The following INTS4 variants were observed in gnomAD, a reference collection of about 807,000 sequenced individuals.
INTS4 encodes integrator complex subunit 4, also known as MSTP093.
In INTS4, 70 loss-of-function variants were observed where a neutral mutation model predicts 119.5. The ratio of observed to expected loss-of-function variants is 0.59; its 90% confidence interval spans 0.48 to 0.71. The LOEUF (loss-of-function observed/expected upper bound fraction) is 0.71, where lower values mean the gene tolerates loss of function less well. Ranked by LOEUF, INTS4 falls within the 30% of genes least tolerant of loss-of-function variation. The probability of loss-of-function intolerance (pLI) is 0.00; values close to 1 mark genes in which losing one functional copy is unlikely to be tolerated. For synonymous variants in INTS4, 316 were observed against 419.6 expected, an observed-to-expected ratio of 0.75 and a Z score of 3.02; for missense variants, 867 against 1,173.2, an observed-to-expected ratio of 0.74 and a Z score of 3.81.
rs373505130 is a variant in INTS4 at position 77,994,648 on chromosome 11, A to C, written c.-5T>G. 1.3e-5 allele frequency: 21 copies of C among 1,613,338 alleles called. No homozygotes were observed. The African/African-American group carries it at 2.1e-4, about 16-fold the overall frequency. On this transcript the variant is annotated 5_prime_UTR_variant, in exon 1 of 23. Coordinates refer to ENST00000534064, the MANE Select transcript of INTS4 (RefSeq NM_033547.4). ...CTTCTTAAGGTGCGCCGCCATGCCT[A>C]CCCGCGGGCCCTCTCAGCTTCCGTA...
intron 4 of INTS4, chr11:77,978,394 C>T (rs945896901): frequency 1.3e-5 from 2 of 152,162 alleles, no homozygotes; most frequent in Non-Finnish European, 2.9e-5. Flanking sequence ...AAAATCAATT[C>T]TACAGGGTTC....
chr11:77,923,315 C>CAAAAAA (rs35475320), intron 12 of INTS4, among the ~76,000 whole-genome samples: 5 of 87,982 alleles, frequency 5.7e-5, no homozygotes, highest in Admixed American at 1.3e-4. Flanking sequence ...GACTCTGTCT[C>CAAAAAA]AAAAAAAAAA....
intron 14 of INTS4, among the ~76,000 whole-genome samples, chr11:77,919,561 C>T (rs781727342): frequency 2.6e-5 from 4 of 152,246 alleles, no homozygotes; most frequent in Non-Finnish European, 4.4e-5. Context: ...GCTGGGATTA[C>T]AGGCGTGAGC....
At chr11:77,897,458 T>C (rs1475813571) in intron 18 of INTS4, among the ~76,000 whole-genome samples, 4 of 151,620 alleles carry the variant, frequency 2.6e-5, no homozygotes, top group African/African-American at 7.3e-5. Flanking sequence ...AGAAGCTACA[T>C]TATAAAAACA....
intron 7 of INTS4, among the ~76,000 whole-genome samples, chr11:77,957,910 C>G (rs1954372174): frequency 6.6e-6 from 1 of 151,976 alleles, no homozygotes; most frequent in Admixed American, 6.6e-5. Flanking sequence ...CTGAGGTGAT[C>G]CGCCCACCTC....
rs1243771556 is a variant in INTS4, at chr11:77,927,478, A to G, written c.1371+864T>C. ...TCACATCTGAACCCCATCTTCCCCA[A>G]AAAAGGAAACCAGAGGACAAACCCC... is the stretch of plus-strand genomic sequence containing the variant. On this transcript the variant is annotated intron_variant, in intron 11 of 22. Coordinates refer to ENST00000534064, the MANE Select transcript of INTS4 (RefSeq NM_033547.4). Among the ~76,000 whole-genome samples the G allele has an allele frequency of 3.9e-5, 6 of 152,274 alleles. No individual in the cohort carries two copies. In the South Asian group the frequency reaches 1.0e-3, roughly 26 times the overall value.
intron 7 of INTS4, among the ~76,000 whole-genome samples, chr11:77,957,892 C>T (rs979976125): frequency 3.3e-5 from 5 of 151,994 alleles, no homozygotes; most frequent in African/African-American, 4.8e-5. Context: ...TGGTCTTGAA[C>T]TCCTGACCTG....
At chr11:77,991,087 A>C in intron 2 of INTS4, 21 bp downstream of exon 2, 1 of 1,601,694 alleles carries the variant, frequency 6.2e-7, no homozygotes. Context: ...TACTCCCATC[A>C]GATCCTCAAG....
chr11:77,882,116 A>C (rs1004471257), intron 22 of INTS4, among the ~76,000 whole-genome samples: 3 of 152,062 alleles, frequency 2.0e-5, no homozygotes, highest in Non-Finnish European at 4.4e-5. Context: ...GGGTTGCCCT[A>C]TATTGCCCAT....
intron 22 of INTS4, among the ~76,000 whole-genome samples, chr11:77,880,624 C>T (rs1293560842): frequency 6.6e-6 from 1 of 152,152 alleles, no homozygotes; most frequent in African/African-American, 2.4e-5. Flanking sequence ...AAGTGGCAGA[C>T]CACAACCACA....
At chr11:77,951,247 G>T (rs1197322204) in intron 8 of INTS4, among the ~76,000 whole-genome samples, 1 of 152,128 alleles carries the variant, frequency 6.6e-6, no homozygotes, top group Non-Finnish European at 1.5e-5. Context: ...CCAGTAATGG[G>T]ATTGCTGGGT....
intron 15 of INTS4, among the ~76,000 whole-genome samples, chr11:77,912,017 T>G (rs1953097892): frequency 6.6e-6 from 1 of 152,142 alleles, no homozygotes; most frequent in Admixed American, 6.6e-5. Flanking sequence ...ATTAAACTCT[T>G]TTCATTTATT....
intron 15 of INTS4, among the ~76,000 whole-genome samples, chr11:77,912,858 C>T (rs1327595678): frequency 4.6e-5 from 7 of 152,110 alleles, no homozygotes; most frequent in Non-Finnish European, 7.3e-5. Context: ...AAAGTTTCAA[C>T]GCAAAAAGAG....
At chr11:77,902,917 T>G (rs1426342921) in intron 17 of INTS4, among the ~76,000 whole-genome samples, 3 of 152,006 alleles carry the variant, frequency 2.0e-5, no homozygotes, top group Non-Finnish European at 4.4e-5. Flanking sequence ...CTTAACTGAG[T>G]TGGGCTACAT....
chr11:77,938,972 G>A (rs1333984214), intron 9 of INTS4, 147 bp from the exon 10 acceptor site: 1 of 603,462 alleles, frequency 1.7e-6, no homozygotes, highest in Non-Finnish European at 2.9e-6. Context: ...CAAGAGAAAT[G>A]CAAATTCAAC....
intron 8 of INTS4, among the ~76,000 whole-genome samples, chr11:77,944,188 A>G (rs1393516196): frequency 1.3e-5 from 2 of 152,192 alleles, no homozygotes; most frequent in African/African-American, 4.8e-5. Flanking sequence ...TCATACTGCT[A>G]TAAGCCAAAG....
intron 10 of INTS4, among the ~76,000 whole-genome samples, chr11:77,936,224 G>T (rs1345566961): frequency 6.6e-6 from 1 of 151,408 alleles, no homozygotes; most frequent in East Asian, 1.9e-4. Flanking sequence ...TATAATACTG[G>T]AGGAAAAAAA....
At chr11:77,953,072 G>A (rs1187659008) in intron 8 of INTS4, among the ~76,000 whole-genome samples, 2 of 152,178 alleles carry the variant, frequency 1.3e-5, no homozygotes, top group African/African-American at 2.4e-5. Flanking sequence ...CACAAGAGTG[G>A]AAATACTCCA....
chr11:77,889,719 C>T (rs984902132), intron 21 of INTS4, among the ~76,000 whole-genome samples: 3 of 152,094 alleles, frequency 2.0e-5, no homozygotes, highest in Admixed American at 6.6e-5. Context: ...GGAATGACTC[C>T]GGGTGTGGTG....
Sources: gnomAD v4.1 joint callset for allele counts (sites outside exome capture counted in the v4.1 genomes callset) on GRCh38, gnomAD v4.1.1 for gene constraint, MANE v1.5 for transcripts, NCBI Gene and HGNC (gene_info 2026-07-23, HGNC 2026-07-21) for gene names.